Variants in PLEC observed in about 807,000 individuals in gnomAD.
PLEC encodes the protein hemidesmosomal protein 1.
PLEC carries 216 observed loss-of-function variants against 392.8 expected under a neutral mutation model. That is an observed-to-expected ratio of 0.55 (90% confidence interval 0.49 to 0.62). The LOEUF is 0.62. PLEC is among the 20% of genes least tolerant of loss of function. The pLI, the probability that PLEC is intolerant of heterozygous loss-of-function variation, is 0.00. For synonymous variants in PLEC, 3,621 were observed against 2,980.6 expected (o/e 1.21, Z -7.00); for missense variants, 6,863 against 6,563.4 (o/e 1.05, Z -1.58).
intron 1 of PLEC, chr8:143,946,523 C>A: frequency 1.8e-6 from 1 of 568,766 alleles, no homozygotes; most frequent in Non-Finnish European, 2.8e-6. Context: ...TCGCAGCCAC[C>A]CCTTAGTCAG....
intron 6 of PLEC, among the ~76,000 whole-genome samples, chr8:143,935,617 C>T (rs534359775): frequency 6.6e-6 from 1 of 152,274 alleles, no homozygotes; most frequent in South Asian, 2.1e-4. Context: ...ATGCACCTGG[C>T]TGTGAGGACC....
chr8:143,917,218 G>A lies in PLEC; in HGVS notation c.12603C>T (p.Arg4201=), dbSNP rs1820861911. 1 of 1,612,890 alleles carries A rather than the reference G, an allele frequency of 6.2e-7. No individual in the cohort carries two copies. The part of the protein sequence containing the change: ...KSMIIDRRSG[R]QYDIDDAIAK... The stretch of plus-strand genomic sequence containing the variant: ...CGATGGCATCATCGATGTCGTACTG[G>A]CGCCCGGAGCGGCGGTCGATGATCA... The change falls in exon 32 of 32, where the codon CGC becomes CGT. Residue 4201 remains arginine, a synonymous_variant. Coordinates refer to ENST00000345136, the MANE Select transcript of PLEC (RefSeq NM_201384.3).
rs1823662160 is a variant in PLEC at position 143,923,462 on chromosome 8, G to C, written c.6467C>G (p.Ala2156Gly). Residue 2156 changes from alanine (A) to glycine (G), a missense_variant, in exon 31 of 32, where the codon GCC becomes GGC. Transcript: ENST00000345136. ...AARRAQAEQA[A>G]LRQKQAADAE... is the part of the protein sequence containing the mutation. The stretch of plus-strand genomic sequence containing the variant: ...GTCAGCTGCCTGCTTCTGCCGCAGG[G>C]CCGCCTGCTCCGCCTGTGCCCGCCG... The C allele has an allele frequency of 1.9e-6, 3 of 1,607,162 alleles. No individual in the cohort carries two copies. Among genetic ancestry groups the C allele is most frequent in the Non-Finnish European group, 2.5e-6 (3 of 1,179,526 alleles).
In PLEC at chr8:143,923,156, T is replaced by C. The variant is rs1823511689; in HGVS notation, c.6773A>G (p.Asp2258Gly). 1.9e-6 allele frequency: 3 copies of C among 1,602,796 alleles called. No individual in the cohort carries two copies. In the East Asian group the frequency reaches 6.7e-5, roughly 36 times the overall value. ...EAENRALILR[D>G]KDNTQRFLQE... ...CAGGAAGCGCTGCGTATTGTCCTTG[T>C]CACGCAAGATGAGTGCGCGGTTCTC... The change falls in exon 31 of 32, where the codon GAC (aspartate) becomes GGC (glycine). Residue 2258 changes from aspartate (D) to glycine (G), a missense_variant. Asp to Gly is a moderately conservative substitution (Grantham distance 94). Transcript: ENST00000345136.
upstream of PLEC, among the ~76,000 whole-genome samples, chr8:143,976,337 G>A (rs1833661249): frequency 6.6e-6 from 1 of 152,146 alleles, no homozygotes; most frequent in Non-Finnish European, 1.5e-5. Context: ...GGGGCACAAT[G>A]TGGGCTCTGT....
chr8:143,924,788 T>G lies in PLEC; in HGVS notation c.5141A>C (p.Glu1714Ala). 1 of 1,535,836 alleles carries G rather than the reference T, an allele frequency of 6.5e-7. No homozygotes were observed. Among genetic ancestry groups the G allele is most frequent in the Non-Finnish European group, 8.7e-7 (1 of 1,146,904 alleles). The change falls in exon 31 of 32, where the codon GAG becomes GCG. Residue 1714 changes from glutamate (E) to alanine (A), a missense_variant. Glu to Ala is a moderately radical substitution (Grantham distance 107, BLOSUM62 -1). Transcript: ENST00000345136. ...CGTCTCGGCCCGCAGCCGGATCAAC[T>G]CCTGCTCCGCGGCCAGGCGCTGCTG... ...TAQQRLAAEQ[E>A]LIRLRAETEQ...
chr8:143,944,641 C>A, intron 1 of PLEC: 1 of 1,348,792 alleles, frequency 7.4e-7, no homozygotes. Context: ...AAGGGCTGCC[C>A]ACCTACCGGG....
Position 143,937,515 on chromosome 8 carries a change from G to A in PLEC, c.265-273C>T, listed in dbSNP as rs746350780. 8.9e-4 allele frequency: 500 copies of A among 562,424 alleles called. 1 individual carries two copies. The highest frequency in any genetic ancestry group is 1.1e-3 in the Non-Finnish European group (352 of 310,484). The allele number at this position is 562,424 out of a possible 1,614,324, so 34.8% of individuals were successfully genotyped here. ...AATAGCCAGGAAGCCTCGTGTGGAG[G>A]GCAGTGGCACTAAAGGGGGGGTCCT... On this transcript the variant is annotated intron_variant, in intron 3 of 31. Transcript: ENST00000345136.
chr8:143,971,008 G>T (rs1413158471), intron 1 of PLEC, among the ~76,000 whole-genome samples: 2 of 152,224 alleles, frequency 1.3e-5, no homozygotes, highest in Non-Finnish European at 1.5e-5. Context: ...AGGGAGAATG[G>T]GGGGGCTGAG....
At chr8:143,950,981 C>T, upstream of PLEC, 1 of 583,688 alleles carries the variant, frequency 1.7e-6, no homozygotes, top group Non-Finnish European at 2.8e-6. Flanking sequence ...GACTCAGCAG[C>T]ATGGGCGGCC....
chr8:143,938,773 GCCT>G lies in PLEC; in HGVS notation c.113-84_113-82del, dbSNP rs1338797137. ...AGGTGACCACCGTGCAGACACAGCA[GCCT>G]GGCTGGCCAGGTCCTGCCTGGGGAG... On this transcript the variant is annotated intron_variant, in intron 1 of 31. Coordinates refer to ENST00000345136, the MANE Select transcript of PLEC (RefSeq NM_201384.3). The G allele has an allele frequency of 4.0e-6, 5 of 1,243,582 alleles. No individual in the cohort carries two copies. In the African/African-American group the frequency reaches 7.4e-5, roughly 18 times the overall value. 77.0% of individuals were successfully genotyped at this position (1,243,582 alleles called of 1,614,324 possible).
rs782339067 is a variant in PLEC at position 143,921,737 on chromosome 8, C to T, written c.8084G>A (p.Arg2695His). ...CAGCAACAGCCCTGCGATACTGCTG[C>T]GGCCCTGCAGGTAGTGGCGCACGTC... Reference protein sequence around the residue: ...REDVRHYLQGRSSIAGLLLKA... With the variant: ...REDVRHYLQGHSSIAGLLLKA... Residue 2695 changes from arginine to histidine, a missense_variant, in exon 32 of 32, where the codon CGC becomes CAC. By Grantham distance (29) the Arg-to-His change is conservative. Coordinates refer to ENST00000345136, the MANE Select transcript of PLEC (RefSeq NM_201384.3). 32 of 1,612,582 alleles carry T rather than the reference C, an allele frequency of 2.0e-5. No individual in the cohort carries two copies. The highest frequency in any genetic ancestry group is 8.8e-5 in the South Asian group (8 of 91,092).
chr8:143,950,340 G>A, exon 1 of PLEC: 1 of 1,580,520 alleles, frequency 6.3e-7, no homozygotes, highest in Non-Finnish European at 8.6e-7. Context: ...GGGGAGCCCA[G>A]GGGACCCTGC....
chr8:143,946,031 C>A (rs1249958595), intron 1 of PLEC, among the ~76,000 whole-genome samples: 1 of 152,254 alleles, frequency 6.6e-6, no homozygotes, highest in Admixed American at 6.5e-5. Context: ...ACGTTTCAGC[C>A]CACTCCCTGC....
upstream of PLEC, chr8:143,942,645 A>C (rs1830719833): frequency 9.6e-6 from 11 of 1,140,770 alleles, no homozygotes; most frequent in Admixed American, 6.1e-5. Context: ...CCTCCCCCCC[A>C]CAATCCGCCC....
intron 1 of PLEC, 120 bp from the exon 2 acceptor site, chr8:143,938,812 T>C: frequency 1.2e-6 from 1 of 844,620 alleles, no homozygotes; most frequent in Non-Finnish European, 2.0e-6. Flanking sequence ...CCCCAAAGCC[T>C]CCCTCAGATC....
In PLEC at chr8:143,920,947, G is replaced by A. The variant is rs1822435276; in HGVS notation, c.8874C>T (p.Ile2958=). The A allele has an allele frequency of 2.5e-6, 4 of 1,613,006 alleles. No individual in the cohort carries two copies. The African/African-American group carries it at 4.0e-5, about 16-fold the overall frequency. Residue 2958 remains isoleucine (I), a synonymous_variant, in exon 32 of 32, where the codon ATC becomes ATT. Coordinates refer to ENST00000345136, the MANE Select transcript of PLEC (RefSeq NM_201384.3). ...GRITVEKIIK[I]IITVVEEQEQ... is the part of the protein sequence containing the mutation. ...CCTGCTCCTCCACCACCGTGATGAT[G>A]ATCTTGATGATCTTCTCCACTGTGA...
At chr8:143,926,139 C>CG (rs1564070828) in intron 30 of PLEC, among the ~76,000 whole-genome samples, 3 of 152,222 alleles carry the variant, frequency 2.0e-5, no homozygotes, top group African/African-American at 7.2e-5. Flanking sequence ...AGACAGGCGA[C>CG]GGAGACAGAC....
chr8:143,945,908 G>A (rs1353344413), intron 1 of PLEC, among the ~76,000 whole-genome samples: 7 of 152,238 alleles, frequency 4.6e-5, no homozygotes, highest in Non-Finnish European at 7.4e-5. Context: ...GGGGTCGGGC[G>A]GGCCCAGGCA....
Sources: gnomAD v4.1 joint callset for allele counts (sites outside exome capture counted in the v4.1 genomes callset) on GRCh38, gnomAD v4.1.1 for gene constraint, MANE v1.5 for transcripts, NCBI Gene and HGNC (gene_info 2026-07-23, HGNC 2026-07-21) for gene names.